The following PKIA variants were observed in gnomAD, a reference collection of about 807,000 sequenced individuals.
PKIA encodes cAMP-dependent protein kinase inhibitor alpha, also known as PKI-alpha.
Under a neutral mutation model 7.6 loss-of-function variants are expected in PKIA, and 4 were observed. That is an observed-to-expected ratio of 0.52 (90% CI 0.26 to 1.20). The LOEUF (loss-of-function observed/expected upper bound fraction) is 1.20. Among genes scored for constraint, PKIA ranks in the 50% most tolerant of loss-of-function variants. The pLI is 0.13. For missense variants in PKIA, 73 were observed against 86.2 expected (o/e 0.85, Z 0.61); for synonymous variants, 21 against 30.7 (o/e 0.68, Z 1.04).
chr8:78,546,243 T>C (rs1420716060), intron 1 of PKIA, among the ~76,000 whole-genome samples: 1 of 152,174 alleles, frequency 6.6e-6, no homozygotes, highest in Non-Finnish European at 1.5e-5. Context: ...CCCTGAGAAA[T>C]TGCTTCTTCA....
chr8:78,541,451 CTT>C (rs988907389), intron 1 of PKIA, among the ~76,000 whole-genome samples: 4 of 152,088 alleles, frequency 2.6e-5, no homozygotes, highest in African/African-American at 7.2e-5. Flanking sequence ...CCACTGAACT[CTT>C]TTATTTCTCT....
chr8:78,528,285 G>T (rs1232132786), intron 1 of PKIA, among the ~76,000 whole-genome samples: 1 of 152,010 alleles, frequency 6.6e-6, no homozygotes, highest in Non-Finnish European at 1.5e-5. Flanking sequence ...ACAGCCATTT[G>T]TTGATTAATG....
intron 1 of PKIA, among the ~76,000 whole-genome samples, chr8:78,537,154 C>T (rs1187224787): frequency 6.6e-6 from 1 of 151,648 alleles, no homozygotes; most frequent in Non-Finnish European, 1.5e-5. Flanking sequence ...CCAAAATTTC[C>T]CCAAGTAACA....
At chr8:78,519,103 A>G (rs1224029453) in intron 1 of PKIA, among the ~76,000 whole-genome samples, 2 of 152,098 alleles carry the variant, frequency 1.3e-5, no homozygotes, top group Non-Finnish European at 2.9e-5. Context: ...CTAAATGATT[A>G]GATACTAAAT....
At chr8:78,580,982 A>C (rs557640969) in intron 2 of PKIA, among the ~76,000 whole-genome samples, 1 of 152,212 alleles carries the variant, frequency 6.6e-6, no homozygotes, top group Admixed American at 6.6e-5. Context: ...GTCTACATAC[A>C]CATAAATCCC....
At chr8:78,546,383 ATTATT>A (rs1806824598) in intron 1 of PKIA, among the ~76,000 whole-genome samples, 1 of 152,192 alleles carries the variant, frequency 6.6e-6, no homozygotes, top group African/African-American at 2.4e-5. Context: ...CAAAATTGTA[ATTATT>A]TTAAGGGTGA....
At chr8:78,578,795 T>C (rs1421819119) in intron 2 of PKIA, among the ~76,000 whole-genome samples, 2 of 151,968 alleles carry the variant, frequency 1.3e-5, no homozygotes, top group South Asian at 2.1e-4. Flanking sequence ...TACGGTTTTC[T>C]GTCTGTGCAC....
At chr8:78,519,917 A>C (rs1223305961) in intron 1 of PKIA, among the ~76,000 whole-genome samples, 1 of 152,100 alleles carries the variant, frequency 6.6e-6, no homozygotes, top group Non-Finnish European at 1.5e-5. Flanking sequence ...AGCCTTCCCC[A>C]TACCCATCTT....
chr8:78,557,652 C>A (rs1248426706), intron 1 of PKIA, among the ~76,000 whole-genome samples: 1 of 152,094 alleles, frequency 6.6e-6, no homozygotes, highest in Non-Finnish European at 1.5e-5. Context: ...TCATAAGGCT[C>A]TTGTCAAAAT....
intron 2 of PKIA, among the ~76,000 whole-genome samples, chr8:78,587,920 G>C (rs556588786): frequency 4.6e-5 from 7 of 152,172 alleles, no homozygotes; most frequent in Non-Finnish European, 1.0e-4. Flanking sequence ...GTATGACCTC[G>C]ATCAAGTTAC....
intron 1 of PKIA, among the ~76,000 whole-genome samples, chr8:78,560,847 G>A (rs968600542): frequency 1.1e-4 from 16 of 152,296 alleles, no homozygotes; most frequent in African/African-American, 3.8e-4. Flanking sequence ...CTCTGTGTTA[G>A]TGTTATCTCT....
At chr8:78,578,202 A>G (rs1807722011) in intron 2 of PKIA, among the ~76,000 whole-genome samples, 1 of 152,024 alleles carries the variant, frequency 6.6e-6, no homozygotes, top group African/African-American at 2.4e-5. Flanking sequence ...AAGTCATTTC[A>G]TATGTAAACT....
intron 2 of PKIA, among the ~76,000 whole-genome samples, chr8:78,575,289 A>G (rs1807646337): frequency 1.3e-5 from 2 of 151,916 alleles, no homozygotes; most frequent in South Asian, 4.1e-4. Context: ...TAAAAAGTGT[A>G]ACTCTGCTCT....
chr8:78,549,037 C>G (rs1806910900), intron 1 of PKIA, among the ~76,000 whole-genome samples: 1 of 151,964 alleles, frequency 6.6e-6, no homozygotes, highest in East Asian at 1.9e-4. Flanking sequence ...TAAATTATAA[C>G]TACACAAAAT....
chr8:78,588,525 G>A (rs1414188033), intron 2 of PKIA, among the ~76,000 whole-genome samples: 1 of 151,948 alleles, frequency 6.6e-6, no homozygotes, highest in African/African-American at 2.4e-5. Context: ...AGTGTAAAAC[G>A]CTAAATACAA....
chr8:78,539,500 T>G (rs1206535820), intron 1 of PKIA, among the ~76,000 whole-genome samples: 1 of 152,126 alleles, frequency 6.6e-6, no homozygotes, highest in Non-Finnish European at 1.5e-5. Flanking sequence ...ACATCTAACA[T>G]CAATACTGAT....
chr8:78,537,534 T>C (rs1806560681), intron 1 of PKIA, among the ~76,000 whole-genome samples: 1 of 152,078 alleles, frequency 6.6e-6, no homozygotes, highest in Non-Finnish European at 1.5e-5. Context: ...TATTTGTTTC[T>C]ATGCGATAAC....
chr8:78,563,103 G>T (rs542091357), intron 1 of PKIA, among the ~76,000 whole-genome samples: 257 of 152,038 alleles, frequency 1.7e-3, no homozygotes, highest in Non-Finnish European at 2.8e-3. Context: ...ATTAAATTTT[G>T]CTGACTCTAA....
rs1256961386 is a variant in PKIA at position 78,602,727 on chromosome 8, G to A, written c.*906G>A. 7.5e-6 allele frequency: 1 copy of A among 132,604 alleles called. No individual in the cohort carries two copies. Among genetic ancestry groups the A allele is most frequent in the African/African-American group, 3.1e-5 (1 of 32,664 alleles). The allele number at this position is 132,604 out of a possible 1,614,324, so 8.2% of individuals were successfully genotyped here. A position where few individuals can be genotyped will look rare whatever the true frequency, so the allele number is the denominator to read the frequency against. Reference sequence around the variant, plus strand: ...TATATATATATATTTTAATTTATGAGAATTTTGGACAATTGGAAAGGTAGA... The same window carrying A: ...TATATATATATATTTTAATTTATGAAAATTTTGGACAATTGGAAAGGTAGA... On this transcript the variant is annotated 3_prime_UTR_variant, in exon 4 of 4. Transcript: ENST00000396418.
Sources: gnomAD v4.1 joint callset for allele counts (sites outside exome capture counted in the v4.1 genomes callset) on GRCh38, gnomAD v4.1.1 for gene constraint, MANE v1.5 for transcripts, NCBI Gene and HGNC (gene_info 2026-07-23, HGNC 2026-07-21) for gene names.